The following CTNNA3 variants were observed in gnomAD, a reference collection of about 807,000 sequenced individuals.
The protein encoded by CTNNA3 is catenin alpha-3.
In CTNNA3, 76 loss-of-function variants were observed where a neutral mutation model predicts 95.7. The observed-to-expected ratio is 0.79, with a 90% CI of 0.66 to 0.96. CTNNA3 has a LOEUF of 0.96. Ranked by LOEUF, CTNNA3 falls within the 40% of genes least tolerant of loss-of-function variation. The pLI is 0.00. For synonymous variants in CTNNA3, 431 were observed against 374.4 expected, an observed-to-expected ratio of 1.15 and a Z score of -1.74; for missense variants, 1,191 against 1,089.8, an observed-to-expected ratio of 1.09 and a Z score of -1.31.
intron 7 of CTNNA3, among the ~76,000 whole-genome samples, chr10:67,076,136 C>G (rs1856735581): frequency 6.6e-6 from 1 of 152,184 alleles, no homozygotes; most frequent in African/African-American, 2.4e-5. Context: ...TTTAAGCTCC[C>G]CTGTATTACA....
chr10:66,535,310 T>G (rs1272541688), intron 10 of CTNNA3, among the ~76,000 whole-genome samples: 1 of 152,192 alleles, frequency 6.6e-6, no homozygotes, highest in Non-Finnish European at 1.5e-5. Flanking sequence ...TGTTATTTAT[T>G]TTGTTCAGGG....
At chr10:67,736,583 G>C (rs572258109) in intron 1 of CTNNA3, among the ~76,000 whole-genome samples, 5 of 150,942 alleles carry the variant, frequency 3.3e-5, no homozygotes, top group African/African-American at 7.3e-5. Context: ...AGCCTCCCAA[G>C]TAGCTGGGAC....
At chr10:66,006,173 C>T (rs60677369) in intron 15 of CTNNA3, among the ~76,000 whole-genome samples, 195 of 151,698 alleles carry the variant, frequency 1.3e-3, no homozygotes, top group African/African-American at 4.1e-3. Context: ...CCACCGTGCC[C>T]GGCTAATTTT....
At chr10:67,484,224 G>A (rs1848359802) in intron 5 of CTNNA3, among the ~76,000 whole-genome samples, 1 of 152,146 alleles carries the variant, frequency 6.6e-6, no homozygotes, top group Non-Finnish European at 1.5e-5. Context: ...AATGGGGAAA[G>A]GACTCCCTAT....
chr10:66,599,409 C>T (rs1319315479), intron 10 of CTNNA3, among the ~76,000 whole-genome samples: 1 of 151,998 alleles, frequency 6.6e-6, no homozygotes, highest in African/African-American at 2.4e-5. Flanking sequence ...GGAATGCTGA[C>T]AGACAGTTTT....
intron 3 of CTNNA3, among the ~76,000 whole-genome samples, chr10:67,568,552 GAC>G (rs199833608): frequency 3.3e-5 from 5 of 150,326 alleles, no homozygotes; most frequent in South Asian, 2.1e-4. Flanking sequence ...TATGCACACA[GAC>G]ACACACACAT....
intron 5 of CTNNA3, among the ~76,000 whole-genome samples, chr10:67,255,324 A>AT: frequency 6.6e-6 from 1 of 151,940 alleles, no homozygotes; most frequent in African/African-American, 2.4e-5. Context: ...AAATAAATTA[A>AT]TTAATTAATT....
intron 13 of CTNNA3, among the ~76,000 whole-genome samples, chr10:66,241,449 A>C (rs2132039431): frequency 6.6e-6 from 1 of 152,332 alleles, no homozygotes; most frequent in Non-Finnish European, 1.5e-5. Flanking sequence ...AAATCTTACA[A>C]ATTTCCTTCA....
At chr10:65,958,720 CG>C (rs1260705536) in intron 17 of CTNNA3, among the ~76,000 whole-genome samples, 1 of 152,144 alleles carries the variant, frequency 6.6e-6, no homozygotes, top group Non-Finnish European at 1.5e-5. Context: ...TATTGCAGAA[CG>C]GCAAGTGCTG....
At chr10:67,208,244 G>T (rs1029183561) in intron 6 of CTNNA3, among the ~76,000 whole-genome samples, 1 of 151,890 alleles carries the variant, frequency 6.6e-6, no homozygotes, top group Non-Finnish European at 1.5e-5. Context: ...GCTGGGCCTG[G>T]TGGCAGGCGC....
chr10:67,086,004 T>C (rs968669563), intron 7 of CTNNA3, among the ~76,000 whole-genome samples: 2 of 151,942 alleles, frequency 1.3e-5, no homozygotes, highest in African/African-American at 4.8e-5. Flanking sequence ...CCTAGGAACA[T>C]GGTGTTTAAA....
At chr10:66,801,410 T>G (rs1319053786) in intron 7 of CTNNA3, among the ~76,000 whole-genome samples, 1 of 151,450 alleles carries the variant, frequency 6.6e-6, no homozygotes, top group Non-Finnish European at 1.5e-5. Flanking sequence ...AACTAGTAAG[T>G]TTAGCCAGAT....
intron 7 of CTNNA3, among the ~76,000 whole-genome samples, chr10:66,933,458 T>TATC (rs1371479497): frequency 6.6e-6 from 1 of 152,226 alleles, no homozygotes; most frequent in Non-Finnish European, 1.5e-5. Flanking sequence ...CCCTTTCTAG[T>TATC]ATCATTGTGT....
intron 7 of CTNNA3, chr10:67,098,245 A>T (rs997125360): frequency 6.4e-6 from 1 of 157,424 alleles, no homozygotes; most frequent in Non-Finnish European, 1.4e-5. Context: ...TGTTATTCAG[A>T]GTTACTCAGT....
At chr10:66,483,740 T>C (rs1337143336) in intron 11 of CTNNA3, among the ~76,000 whole-genome samples, 1 of 152,154 alleles carries the variant, frequency 6.6e-6, no homozygotes, top group African/African-American at 2.4e-5. Flanking sequence ...TATGTTAATT[T>C]GTCCCTGAAA....
chr10:65,951,489 A>G (rs1387754613), intron 17 of CTNNA3, among the ~76,000 whole-genome samples: 1 of 152,156 alleles, frequency 6.6e-6, no homozygotes, highest in East Asian at 1.9e-4. Flanking sequence ...TTAAGAATCC[A>G]GAATCATTAA....
chr10:66,708,155 C>A (rs1401622052), intron 9 of CTNNA3, among the ~76,000 whole-genome samples: 1 of 151,864 alleles, frequency 6.6e-6, no homozygotes, highest in Non-Finnish European at 1.5e-5. Context: ...AAGAGCCTTT[C>A]CTGGGGAGCA....
In CTNNA3 at chr10:66,098,393, T is replaced by C. The variant is rs552634661; in HGVS notation, c.1977+4764A>G. Among the ~76,000 whole-genome samples the C allele has an allele frequency of 7.2e-5, 11 of 152,294 alleles. No homozygotes were observed. The East Asian group carries it at 2.1e-3, about 29-fold the overall frequency. ...TAAACTACTTAAATTTTTTGTTTCA[T>C]TTCCTAATTAGTAAAACCAAACGGA... On this transcript the variant is annotated intron_variant, in intron 14 of 17. Transcript: ENST00000433211.
chr10:66,328,069 T>A (rs2132308186), intron 12 of CTNNA3, among the ~76,000 whole-genome samples: 1 of 152,216 alleles, frequency 6.6e-6, no homozygotes, highest in African/African-American at 2.4e-5. Context: ...AATATTGACA[T>A]TGTGCCATGC....
Sources: gnomAD v4.1 joint callset for allele counts (sites outside exome capture counted in the v4.1 genomes callset) on GRCh38, gnomAD v4.1.1 for gene constraint, MANE v1.5 for transcripts, NCBI Gene and HGNC (gene_info 2026-07-23, HGNC 2026-07-21) for gene names.